KLHL29: variants seen among roughly 807,000 people sequenced by gnomAD.
KLHL29 encodes kelch like family member 29.
A neutral mutation model predicts 80.4 loss-of-function variants in KLHL29; 21 were observed. That is an observed-to-expected ratio of 0.26 (90% CI 0.19 to 0.38). The LOEUF (loss-of-function observed/expected upper bound fraction) is 0.38, where lower values mean the gene tolerates loss of function less well. Among genes scored for constraint, KLHL29 ranks in the 10% least tolerant of loss-of-function variants. The pLI is 1.00. For missense variants in KLHL29, 867 were observed against 1,223.9 expected (o/e 0.71, Z 4.35); for synonymous variants, 511 against 526.8 (o/e 0.97, Z 0.41).
chr2:23,569,519 T>A (rs1185148724), intron 3 of KLHL29, among the ~76,000 whole-genome samples: 1 of 150,460 alleles, frequency 6.6e-6, no homozygotes, highest in East Asian at 1.9e-4. Context: ...AATTAAACAA[T>A]TTTTTTTTCC....
In KLHL29 at chr2:23,493,756, C is replaced by T. The variant is rs115321983; in HGVS notation, c.-46+18089C>T. Among the ~76,000 whole-genome samples, 270 of 152,140 alleles carry T rather than the reference C, an allele frequency of 1.8e-3. 2 individuals carry two copies. The highest frequency in any genetic ancestry group is 6.3e-3 in the African/African-American group (261 of 41,480). Reference sequence around the variant, plus strand: ...TCACTTGAACAAGTACATTGTTTTCCGGCCTTCTCCATAGGGACAGGAGAC... The same window carrying T: ...TCACTTGAACAAGTACATTGTTTTCTGGCCTTCTCCATAGGGACAGGAGAC... On this transcript the variant is annotated intron_variant, in intron 2 of 13. Transcript: ENST00000486442.
chr2:23,692,736 A>G (rs913597524), intron 7 of KLHL29, among the ~76,000 whole-genome samples: 11 of 152,158 alleles, frequency 7.2e-5, no homozygotes, highest in Non-Finnish European at 1.5e-4. Flanking sequence ...CTCCCACCCC[A>G]GACCTAGCCA....
intron 3 of KLHL29, among the ~76,000 whole-genome samples, chr2:23,578,903 A>C (rs1667912070): frequency 6.6e-6 from 1 of 152,224 alleles, no homozygotes; most frequent in African/African-American, 2.4e-5. Context: ...ATTGGCATGC[A>C]TGTAGCACCT....
At chr2:23,587,120 T>C (rs1299075525) in intron 3 of KLHL29, among the ~76,000 whole-genome samples, 1 of 152,118 alleles carries the variant, frequency 6.6e-6, no homozygotes, top group African/African-American at 2.4e-5. Context: ...CCCTGTTAAA[T>C]TGCAGCAATT....
intron 2 of KLHL29, among the ~76,000 whole-genome samples, chr2:23,516,148 G>T (rs934370): frequency 1.3e-5 from 2 of 151,922 alleles, no homozygotes; most frequent in Non-Finnish European, 2.9e-5. Context: ...GATCCCTTCT[G>T]CCCTGCCCAG....
intron 2 of KLHL29, among the ~76,000 whole-genome samples, chr2:23,492,400 T>G (rs2103448983): frequency 6.6e-6 from 1 of 152,330 alleles, no homozygotes; most frequent in African/African-American, 2.4e-5. Flanking sequence ...CCCCCGCTTC[T>G]GAAAACCCCT....
At chr2:23,529,233 C>T (rs1666422634) in intron 2 of KLHL29, among the ~76,000 whole-genome samples, 2 of 152,328 alleles carry the variant, frequency 1.3e-5, no homozygotes, top group South Asian at 4.1e-4. Context: ...CCTCAGCCTC[C>T]CAAGTAGCTG....
At chr2:23,636,284 G>A (rs187990808) in intron 3 of KLHL29, among the ~76,000 whole-genome samples, 34 of 152,080 alleles carry the variant, frequency 2.2e-4, no homozygotes, top group Admixed American at 2.2e-3. Context: ...AGGAAGGAAT[G>A]TCATTGCATT....
At position 23,682,807 on chromosome 2, in the gene KLHL29, C is replaced by T. The variant is rs894686350; in HGVS notation, c.941-1592C>T. On this transcript the variant is annotated intron_variant, in intron 5 of 13. Transcript: ENST00000486442. This position sits in a 1 kb window ranked among gnomAD's most constrained non-coding sequence, Gnocchi z 4.1. ...CGTAGATCCTTCCTGAAGTCCCAGCCAGAGCCCCCTTCCGCACCCCTGGAG... is the reference window on the plus strand; with the variant it reads ...CGTAGATCCTTCCTGAAGTCCCAGCTAGAGCCCCCTTCCGCACCCCTGGAG... Among the ~76,000 whole-genome samples, 1 of 152,170 alleles carries T rather than the reference C, an allele frequency of 6.6e-6. No individual in the cohort carries two copies. The highest frequency in any genetic ancestry group is 2.4e-5 in the African/African-American group (1 of 41,430).
intron 2 of KLHL29, among the ~76,000 whole-genome samples, chr2:23,549,456 GCTT>G (rs1667066493): frequency 6.6e-6 from 1 of 151,986 alleles, no homozygotes; most frequent in Admixed American, 6.6e-5. Context: ...TCTGGTCTGG[GCTT>G]CTTTTTTTTT....
intron 1 of KLHL29, among the ~76,000 whole-genome samples, chr2:23,415,917 A>G (rs1250162595): frequency 6.6e-6 from 1 of 152,132 alleles, no homozygotes; most frequent in Non-Finnish European, 1.5e-5. Context: ...TCAGAGTTGC[A>G]GTGAGCAGTG....
chr2:23,571,517 A>G (rs999927551), intron 3 of KLHL29, among the ~76,000 whole-genome samples: 2 of 152,220 alleles, frequency 1.3e-5, no homozygotes, highest in African/African-American at 4.8e-5. Context: ...CTGGCCAGGC[A>G]TGGTGATCGT....
At chr2:23,492,838 C>T (rs1241784967) in intron 2 of KLHL29, among the ~76,000 whole-genome samples, 2 of 151,970 alleles carry the variant, frequency 1.3e-5, no homozygotes, top group African/African-American at 4.8e-5. Context: ...TTTTGCCCAT[C>T]GGCTGGGTTC....
intron 1 of KLHL29, among the ~76,000 whole-genome samples, chr2:23,388,989 C>CTTTTTT (rs10691490): frequency 1.9e-5 from 2 of 106,876 alleles, no homozygotes; most frequent in Non-Finnish European, 3.7e-5. Flanking sequence ...CTTTCTTCTT[C>CTTTTTT]TTTTTTTTTT....
intron 1 of KLHL29, among the ~76,000 whole-genome samples, chr2:23,460,879 C>T (rs529201179): frequency 6.6e-6 from 1 of 152,220 alleles, no homozygotes; most frequent in East Asian, 1.9e-4. Context: ...ATCGTGCAAG[C>T]TCAGGAGCTT....
At chr2:23,615,516 A>G (rs951943340) in intron 3 of KLHL29, among the ~76,000 whole-genome samples, 3 of 152,032 alleles carry the variant, frequency 2.0e-5, no homozygotes, top group Non-Finnish European at 4.4e-5. Context: ...TGCGGTGGCC[A>G]GGGAGGACGT....
intron 2 of KLHL29, among the ~76,000 whole-genome samples, chr2:23,480,441 C>T (rs918239199): frequency 2.0e-5 from 3 of 151,930 alleles, no homozygotes; most frequent in Non-Finnish European, 2.9e-5. Flanking sequence ...GAGCTGAGAT[C>T]GCACCACTGC....
At chr2:23,581,451 C>T (rs1276744308) in intron 3 of KLHL29, among the ~76,000 whole-genome samples, 1 of 152,198 alleles carries the variant, frequency 6.6e-6, no homozygotes, top group Admixed American at 6.5e-5. Context: ...ATGGAGTGTG[C>T]GCTGAGTCCC....
chr2:23,475,704 G>T, intron 2 of KLHL29, 37 bp downstream of exon 2: 1 of 166,984 alleles, frequency 6.0e-6, no homozygotes. Flanking sequence ...AATAAGAAAG[G>T]CATCAGACCT....
Sources: gnomAD v4.1 joint callset for allele counts (sites outside exome capture counted in the v4.1 genomes callset) on GRCh38, gnomAD v4.1.1 for gene constraint, Gnocchi (gnomAD v3.1) non-coding constraint, MANE v1.5 for transcripts, NCBI Gene and HGNC (gene_info 2026-07-23, HGNC 2026-07-21) for gene names.